Variants in PSD3 observed in about 807,000 individuals in gnomAD.
PSD3 encodes the protein PH and SEC7 domain-containing protein 3.
Under a neutral mutation model 105.5 loss-of-function variants are expected in PSD3, and 49 were observed. That is an observed-to-expected ratio of 0.46 (90% CI 0.37 to 0.59). The LOEUF is 0.59. PSD3 is among the 20% of genes least tolerant of loss of function. PSD3 has a pLI of 0.00. For synonymous variants in PSD3, 557 were observed against 457.8 expected (o/e 1.22, Z -2.77); for missense variants, 1,561 against 1,263.8 (o/e 1.24, Z -3.57).
intron 1 of PSD3, among the ~76,000 whole-genome samples, chr8:19,012,566 G>A (rs1479379294): frequency 1.3e-5 from 2 of 152,146 alleles, no homozygotes; most frequent in East Asian, 1.9e-4. Context: ...CAAGCCCGGA[G>A]GCCAGAAGCT....
chr8:18,690,611 C>T (rs1361645429), intron 9 of PSD3, among the ~76,000 whole-genome samples: 3 of 152,204 alleles, frequency 2.0e-5, no homozygotes, highest in Non-Finnish European at 4.4e-5. Context: ...GCTCCACTGC[C>T]TGACATCTGA....
chr8:18,932,371 G>C (rs1821807229), intron 2 of PSD3, among the ~76,000 whole-genome samples: 1 of 152,164 alleles, frequency 6.6e-6, no homozygotes, highest in Non-Finnish European at 1.5e-5. Context: ...AGTAATTACA[G>C]TCAGAGAGTT....
intron 9 of PSD3, among the ~76,000 whole-genome samples, chr8:18,749,196 C>T (rs1451892699): frequency 6.6e-6 from 1 of 152,184 alleles, no homozygotes; most frequent in Admixed American, 6.5e-5. Flanking sequence ...ACATGGAGTA[C>T]ATTCAAGGGA....
rs373424830 is a variant in PSD3 at position 18,858,827 on chromosome 8, T to C, written c.1634+8847A>G. On this transcript the variant is annotated intron_variant, in intron 4 of 15. Coordinates refer to ENST00000327040, the MANE Select transcript of PSD3 (RefSeq NM_015310.4). Reference sequence around the variant, plus strand: ...GCTATTTCCACCACATCTGCAGTTATTTAATCTACTGGAAGTTTCAAACCA... The same window carrying C: ...GCTATTTCCACCACATCTGCAGTTACTTAATCTACTGGAAGTTTCAAACCA... Among the ~76,000 whole-genome samples the C allele has an allele frequency of 5.8e-4, 87 of 150,896 alleles. 2 individuals are homozygous for C. The South Asian group carries it at 0.018, about 31-fold the overall frequency.
At chr8:18,923,100 GT>G (rs1362916816) in intron 2 of PSD3, among the ~76,000 whole-genome samples, 3 of 152,270 alleles carry the variant, frequency 2.0e-5, no homozygotes, top group Non-Finnish European at 4.4e-5. Context: ...TAATCCAGGG[GT>G]GTCCAATCTC....
chr8:18,780,532 A>G (rs1445141167), intron 8 of PSD3, among the ~76,000 whole-genome samples: 1 of 151,862 alleles, frequency 6.6e-6, no homozygotes, highest in African/African-American at 2.4e-5. Flanking sequence ...CTGTAGTAGT[A>G]ACACTTGCCT....
chr8:18,529,274 C>T lies in PSD3; in HGVS notation c.*6469G>A, dbSNP rs1202736994. 1.3e-5 allele frequency: 2 copies of T among 152,262 alleles called. No homozygotes were observed. Among genetic ancestry groups the T allele is most frequent in the African/African-American group, 4.8e-5 (2 of 41,478 alleles). The allele number at this position is 152,262 out of a possible 1,614,324, so 9.4% of individuals were successfully genotyped here. ...ATATAATGCATCTCAAAGTCAGACA[C>T]TAGAGCTCAGATTCCACCCTGGCCC... is the stretch of plus-strand genomic sequence containing the variant. On this transcript the variant is annotated 3_prime_UTR_variant, in exon 16 of 16. Coordinates refer to ENST00000327040, the MANE Select transcript of PSD3 (RefSeq NM_015310.4).
At chr8:18,633,377 C>T (rs1279445361) in intron 10 of PSD3, among the ~76,000 whole-genome samples, 1 of 151,992 alleles carries the variant, frequency 6.6e-6, no homozygotes, top group Non-Finnish European at 1.5e-5. Context: ...GGATGCCAGG[C>T]ACAGTGCTTT....
chr8:18,823,041 T>C (rs1297258511), intron 4 of PSD3, among the ~76,000 whole-genome samples: 1 of 145,830 alleles, frequency 6.9e-6, no homozygotes, highest in Admixed American at 6.9e-5. Context: ...AAGCATATAA[T>C]AGATAATATT....
At chr8:18,953,608 G>C (rs1368505393) in intron 1 of PSD3, among the ~76,000 whole-genome samples, 2 of 152,054 alleles carry the variant, frequency 1.3e-5, no homozygotes, top group African/African-American at 4.8e-5. Flanking sequence ...AATTAGCTGG[G>C]CGTGGTGGCA....
At chr8:18,986,646 G>A (rs914069211) in intron 1 of PSD3, among the ~76,000 whole-genome samples, 1 of 151,870 alleles carries the variant, frequency 6.6e-6, no homozygotes, top group Admixed American at 6.6e-5. Context: ...CCGGTCAGCA[G>A]ATATATTACT....
intron 10 of PSD3, among the ~76,000 whole-genome samples, chr8:18,645,121 C>T (rs1221824844): frequency 6.6e-6 from 1 of 152,228 alleles, no homozygotes; most frequent in African/African-American, 2.4e-5. Flanking sequence ...TAGGGCAGAG[C>T]CCTTTTCCCT....
At chr8:18,616,834 G>A (rs1585400816) in intron 11 of PSD3, among the ~76,000 whole-genome samples, 1 of 151,150 alleles carries the variant, frequency 6.6e-6, no homozygotes, top group Non-Finnish European at 1.5e-5. Context: ...CGTTTTAGCC[G>A]GGATGGTCTC....
intron 1 of PSD3, among the ~76,000 whole-genome samples, chr8:18,939,385 G>C (rs1327252921): frequency 3.3e-5 from 5 of 152,104 alleles, no homozygotes; most frequent in African/African-American, 1.2e-4. Flanking sequence ...GTCATCAATA[G>C]AAATTCATCA....
At chr8:19,007,564 G>T (rs1826749915) in intron 1 of PSD3, among the ~76,000 whole-genome samples, 1 of 151,994 alleles carries the variant, frequency 6.6e-6, no homozygotes, top group South Asian at 2.1e-4. Context: ...ATTCTATAAA[G>T]TTCACAAGTT....
At chr8:19,082,655 A>G (rs1202188485) in intron 1 of PSD3, among the ~76,000 whole-genome samples, 1 of 152,202 alleles carries the variant, frequency 6.6e-6, no homozygotes, top group Non-Finnish European at 1.5e-5. Context: ...GAGAAATGGC[A>G]ACAGCTCTGA....
At chr8:18,955,360 C>T (rs762017954) in intron 1 of PSD3, among the ~76,000 whole-genome samples, 1 of 152,146 alleles carries the variant, frequency 6.6e-6, no homozygotes, top group Non-Finnish European at 1.5e-5. Context: ...CCCTCCTCAG[C>T]CTCCTGAGTA....
intron 2 of PSD3, among the ~76,000 whole-genome samples, chr8:18,883,437 G>C (rs1373313186): frequency 6.6e-6 from 1 of 152,142 alleles, no homozygotes; most frequent in Non-Finnish European, 1.5e-5. Flanking sequence ...AATTGCCTCT[G>C]CTGTAATATG....
At chr8:18,649,454 C>A (rs1348186038) in intron 10 of PSD3, among the ~76,000 whole-genome samples, 2 of 152,174 alleles carry the variant, frequency 1.3e-5, no homozygotes, top group East Asian at 3.9e-4. Context: ...GAGTATTTAG[C>A]CAATGCCTGT....
Sources: allele counts gnomAD v4.1 joint callset (sites outside exome capture counted in the v4.1 genomes callset), GRCh38; gene constraint gnomAD v4.1.1; transcripts MANE v1.5; gene names NCBI Gene and HGNC (gene_info 2026-07-23, HGNC 2026-07-21).